Variants in CHD8 observed in about 807,000 individuals in gnomAD.
CHD8 encodes ATP-dependent chromatin remodeler CHD8.
In CHD8, 31 loss-of-function variants were observed where a neutral mutation model predicts 279.2. That is an observed-to-expected ratio of 0.11 (90% CI 0.08 to 0.15). The LOEUF (loss-of-function observed/expected upper bound fraction) is 0.15, where lower values mean the gene tolerates loss of function less well. Ranked by LOEUF, CHD8 falls within the 10% of genes least tolerant of loss-of-function variation. The pLI is 1.00. For missense variants in CHD8, 2,146 were observed against 3,230.5 expected, an observed-to-expected ratio of 0.66 and a Z score of 8.14; for synonymous variants, 1,081 against 1,139.6, an observed-to-expected ratio of 0.95 and a Z score of 1.04.
chr14:21,386,984 C>G (rs1594320309), intron 37 of CHD8, among the ~76,000 whole-genome samples: 1 of 152,262 alleles, frequency 6.6e-6, no homozygotes, highest in African/African-American at 2.4e-5. Context: ...TTCTACATGT[C>G]TAGAACACCA....
Position 21,408,476 on chromosome 14 carries a change from C to T in CHD8, c.2566G>A (p.Val856Met). ...SIAFLQEVYN[V>M]GIHGPFLVIA... ...ACCAAGAAGGGACCATGGATGCCCACATTATATACTTCCTGCAAGAAGGCA... is the reference window on the plus strand; with the variant it reads ...ACCAAGAAGGGACCATGGATGCCCATATTATATACTTCCTGCAAGAAGGCA... Residue 856 changes from valine to methionine, a missense_variant, in exon 13 of 38, where the codon GTG (valine) becomes ATG (methionine). Transcript: ENST00000646647. The surrounding 1 kb of genome is among the most constrained non-coding windows in gnomAD (Gnocchi z 4.3). The T allele has an allele frequency of 6.2e-7, 1 of 1,613,890 alleles. No individual in the cohort carries two copies.
rs1262666201 is a variant in CHD8 at position 21,394,407 on chromosome 14, C to T, written c.5469G>A (p.Gln1823=). 4 of 1,613,710 alleles carry T rather than the reference C, an allele frequency of 2.5e-6. No homozygotes were observed. The highest frequency in any genetic ancestry group is 1.1e-5 in the South Asian group (1 of 91,078). Residue 1823 remains glutamine (Q), a synonymous_variant, in exon 31 of 38, where the codon CAG becomes CAA. Transcript: ENST00000646647. ...AAGTGCGGAAGCGATCCCAATGGAA[C>T]TGCATGGTGTCAGGGTCATATTCCA... ...FGVEYDPDTM[Q]FHWDRFRTFA...
At chr14:21,407,701 T>C (rs537220131) in intron 13 of CHD8, among the ~76,000 whole-genome samples, 1 of 151,658 alleles carries the variant, frequency 6.6e-6, no homozygotes, top group Non-Finnish European at 1.5e-5. Context: ...CTTCGCCTCC[T>C]GGTTTCAAGC....
At position 21,400,840 on chromosome 14, in the gene CHD8, T is replaced by C. The variant is rs1464907469; in HGVS notation, c.4370+35A>G. ...AGTATCTATCAGGATGGAGATGCAC[T>C]ATGCACTACCTCTAATGGTAAGTTG... On this transcript the variant is annotated intron_variant, in intron 22 of 37. Coordinates refer to ENST00000646647, the MANE Select transcript of CHD8 (RefSeq NM_001170629.2). This position sits in a 1 kb window ranked among gnomAD's most constrained non-coding sequence, Gnocchi z 4.2. The C allele has an allele frequency of 3.2e-6, 5 of 1,556,148 alleles. No individual in the cohort carries two copies. The highest frequency in any genetic ancestry group is 4.3e-6 in the Non-Finnish European group (5 of 1,150,308).
chr14:21,397,404 T>A, intron 27 of CHD8: 1 of 515,926 alleles, frequency 1.9e-6, no homozygotes, highest in Non-Finnish European at 3.9e-6. Context: ...CATTGGGACA[T>A]GTTTTCAGGC....
At chr14:21,397,754 G>C (rs777303118) in intron 27 of CHD8, 69 bp downstream of exon 27, 28 of 1,502,220 alleles carry the variant, frequency 1.9e-5, no homozygotes, top group African/African-American at 2.8e-5. Context: ...ATCCCATTGG[G>C]TTCAGTCAAG....
At chr14:21,398,073 G>A (rs972724563) in intron 26 of CHD8, 121 bp from the exon 27 acceptor site, 169 of 929,376 alleles carry the variant, frequency 1.8e-4, no homozygotes, top group Non-Finnish European at 2.5e-4. Context: ...AACAAAGTTA[G>A]AATGTTATCT....
At position 21,393,987 on chromosome 14, in the gene CHD8, C is replaced by G. The variant is rs769843343; in HGVS notation, c.5808G>C (p.Gly1936=). The change falls in exon 32 of 38, where the codon GGG becomes GGC. Residue 1936 remains glycine (G), a synonymous_variant. Coordinates refer to ENST00000646647, the MANE Select transcript of CHD8 (RefSeq NM_001170629.2). The part of the protein sequence containing the change: ...PVRHDGELLR[G]AARHGVSQTD... ...TTTGGCTCACCCCATGGCGGGCTGC[C>G]CCTCTTAGAAGCTCCCCATCATGCC... The G allele has an allele frequency of 2.5e-6, 4 of 1,613,828 alleles. No homozygotes were observed. Among genetic ancestry groups the G allele is most frequent in the Non-Finnish European group, 8.5e-7 (1 of 1,179,894 alleles).
intron 1 of CHD8, among the ~76,000 whole-genome samples, chr14:21,452,809 C>A (rs1160544546): frequency 6.6e-6 from 1 of 151,618 alleles, no homozygotes; most frequent in Non-Finnish European, 1.5e-5. Flanking sequence ...TATGGTGAAA[C>A]CCTGTCTCTA....
rs78640816 is a variant in CHD8 at position 21,431,382 on chromosome 14, C to T, written c.262G>A (p.Glu88Lys). The T allele has an allele frequency of 4.0e-4, 615 of 1,537,272 alleles. 1 individual carries two copies. In the African/African-American group the frequency reaches 7.9e-3, roughly 20 times the overall value. ...GTATAATCATGCAAGGTTATGGATT[C>T]TGGAGCTGGAGCTGTGGATTCTTTG... The part of the protein sequence containing the change: ...LSKESTAPAP[E>K]SITLHDYTTQ... The change falls in exon 2 of 38, where the codon GAA (glutamate) becomes AAA (lysine). Residue 88 changes from glutamate (E) to lysine (K), a missense_variant. By Grantham distance (56) the Glu-to-Lys change is moderately conservative. This residue lies in a region of CHD8 where 302 missense variants were observed against 325.5 expected (regional missense o/e 0.93). Coordinates refer to ENST00000646647, the MANE Select transcript of CHD8 (RefSeq NM_001170629.2).
chr14:21,390,782 A>C (rs998319545), intron 37 of CHD8, among the ~76,000 whole-genome samples, 165 bp downstream of exon 37: 1 of 151,910 alleles, frequency 6.6e-6, no homozygotes, highest in African/African-American at 2.4e-5. Flanking sequence ...AAAAAAAAAA[A>C]AACCCCAGAA....
chr14:21,413,981 C>T (rs2139495004), intron 9 of CHD8: 1 of 243,768 alleles, frequency 4.1e-6, no homozygotes. Context: ...AATAGGTCTA[C>T]AGAAACCATC....
chr14:21,437,343 GC>G, intron 1 of CHD8: 1 of 907,294 alleles, frequency 1.1e-6, no homozygotes, highest in Non-Finnish European at 1.4e-6. Context: ...GCGAAAAGAC[GC>G]AAAACAGCGC....
intron 10 of CHD8, among the ~76,000 whole-genome samples, chr14:21,410,825 C>T (rs776093578): frequency 1.3e-4 from 20 of 152,278 alleles, no homozygotes; most frequent in Non-Finnish European, 2.9e-4. Context: ...TCACAGATCT[C>T]GAATCTCTGG....
rs939470143 is a variant in CHD8, at chr14:21,400,950, G to A, written c.4295C>T (p.Ser1432Phe). 1 of 1,613,846 alleles carries A rather than the reference G, an allele frequency of 6.2e-7. No homozygotes were observed. Among genetic ancestry groups the A allele is most frequent in the Non-Finnish European group, 8.5e-7 (1 of 1,179,842 alleles). Residue 1432 changes from serine to phenylalanine, a missense_variant, in exon 22 of 38, where the codon TCC becomes TTC. Ser to Phe is a radical substitution (Grantham distance 155). Around this residue, in one of 26 missense-constraint regions of CHD8, gnomAD observed 74 missense variants for 91.5 expected, o/e 0.81. Transcript: ENST00000646647. The surrounding 1 kb of genome is among the most constrained non-coding windows in gnomAD (Gnocchi z 4.2). ...LESEDDERPR[S>F]RRHDRHHAYG... ...GGCATGATGACGGTCATGTCTGCGG[G>A]AGCGTGGCCGCTCATCATCCTCACT...
At chr14:21,399,780 A>C in intron 25 of CHD8, 75 bp from the exon 26 acceptor site, 1 of 1,099,350 alleles carries the variant, frequency 9.1e-7, no homozygotes, top group Non-Finnish European at 1.4e-6. Flanking sequence ...AGGTTATTAT[A>C]GGTATCTTCC....
intron 1 of CHD8, among the ~76,000 whole-genome samples, chr14:21,443,064 T>G (rs1482942301): frequency 1.3e-5 from 2 of 152,176 alleles, no homozygotes; most frequent in African/African-American, 4.8e-5. Flanking sequence ...TAACTAATTT[T>G]TTAAGAAAAC....
At chr14:21,442,311 C>G (rs1889996551) in intron 1 of CHD8, among the ~76,000 whole-genome samples, 1 of 151,958 alleles carries the variant, frequency 6.6e-6, no homozygotes, top group African/African-American at 2.4e-5. Flanking sequence ...TACAGAAATA[C>G]AAAAATTAGC....
rs776651543 is a variant in CHD8 at position 21,397,856 on chromosome 14, C to T, written c.5018G>A (p.Arg1673Gln). The T allele has an allele frequency of 9.9e-6, 16 of 1,613,340 alleles. No homozygotes were observed. Among genetic ancestry groups the T allele is most frequent in the African/African-American group, 5.3e-5 (4 of 74,918 alleles). The change falls in exon 27 of 38, where the codon CGA (arginine) becomes CAA (glutamine). Residue 1673 changes from arginine to glutamine, a missense_variant. Arg to Gln is a conservative substitution (Grantham distance 43, BLOSUM62 1). Around this residue, in one of 26 missense-constraint regions of CHD8, gnomAD observed 75 missense variants for 81.3 expected, o/e 0.92. Transcript: ENST00000646647. ...TATGTCAGAGAAGTTATCCAACACTCGATGTTCTGCTGCAATTGCTTTGTC... is the reference window on the plus strand; with the variant it reads ...TATGTCAGAGAAGTTATCCAACACTTGATGTTCTGCTGCAATTGCTTTGTC... ...PDDKAIAAEH[R>Q]VLDNFSDIVE...
Sources: allele counts gnomAD v4.1 joint callset (sites outside exome capture counted in the v4.1 genomes callset), GRCh38; gene constraint gnomAD v4.1.1; regional missense constraint gnomAD v4.1.1; non-coding constraint Gnocchi (gnomAD v3.1); transcripts MANE v1.5; gene names NCBI Gene and HGNC (gene_info 2026-07-23, HGNC 2026-07-21).